ZC3H12B: variants seen among roughly 807,000 people sequenced by gnomAD.
ZC3H12B encodes the protein probable ribonuclease ZC3H12B.
Under a neutral mutation model 43.9 loss-of-function variants are expected in ZC3H12B, and 7 were observed. The observed-to-expected ratio is 0.16, with a 90% CI of 0.09 to 0.30. ZC3H12B has a LOEUF of 0.30. ZC3H12B is among the 10% of genes least tolerant of loss of function. The pLI, the probability that ZC3H12B is intolerant of heterozygous loss-of-function variation, is 1.00. For missense variants in ZC3H12B, 475 were observed against 670.2 expected, an observed-to-expected ratio of 0.71 and a Z score of 3.22; for synonymous variants, 222 against 241.7, an observed-to-expected ratio of 0.92 and a Z score of 0.76.
the ZC3H12B span, among the ~76,000 whole-genome samples, chrX:65,319,876 G>A: frequency 2.7e-5 from 3 of 111,123 alleles, no homozygotes; most frequent in Non-Finnish European, 5.7e-5. Context: ...ACATCTCTTC[G>A]TGTTAAATAA....
the ZC3H12B span, among the ~76,000 whole-genome samples, chrX:65,140,926 A>G: frequency 9.0e-6 from 1 of 111,240 alleles, no homozygotes; most frequent in Non-Finnish European, 1.9e-5. Context: ...CTTCTCTTCC[A>G]TTTCTGATTT....
the ZC3H12B span, among the ~76,000 whole-genome samples, chrX:65,070,478 T>G: frequency 9.0e-6 from 1 of 110,961 alleles, no homozygotes; most frequent in African/African-American, 3.3e-5. Flanking sequence ...TCTGCTAGCT[T>G]TGAGACTGGT....
At chrX:65,187,655 C>A in the ZC3H12B span, among the ~76,000 whole-genome samples, 4 of 96,144 alleles carry the variant, frequency 4.2e-5, no homozygotes, top group Admixed American at 3.4e-4. Flanking sequence ...ATTGATTTTA[C>A]TTTTTTTTTT....
At chrX:65,159,707 A>T in the ZC3H12B span, among the ~76,000 whole-genome samples, 1 of 111,956 alleles carries the variant, frequency 8.9e-6, no homozygotes, top group East Asian at 2.8e-4. Flanking sequence ...GTCATCTGCA[A>T]AAAGGGACAA....
intron 3 of ZC3H12B, among the ~76,000 whole-genome samples, chrX:65,426,392 C>CA (rs58910748): frequency 0.043 from 1,782 of 41,173 alleles, 6 homozygotes; most frequent in East Asian, 0.13. Flanking sequence ...TAATTATTTC[C>CA]AAAAAAAAAA....
At chrX:65,409,148 T>C (rs900243480) in intron 3 of ZC3H12B, among the ~76,000 whole-genome samples, 3 of 111,228 alleles carry the variant, frequency 2.7e-5, no homozygotes, top group African/African-American at 9.8e-5. Flanking sequence ...AAGTAATTTA[T>C]TCTGTCAAGA....
the ZC3H12B span, among the ~76,000 whole-genome samples, chrX:65,189,188 G>C: frequency 9.5e-6 from 1 of 105,157 alleles, no homozygotes; most frequent in African/African-American, 3.6e-5. Flanking sequence ...TCTTAATCCA[G>C]TCTATCATTG....
the ZC3H12B span, among the ~76,000 whole-genome samples, chrX:65,036,221 T>C: frequency 9.0e-6 from 1 of 111,703 alleles, no homozygotes; most frequent in Admixed American, 9.5e-5. Flanking sequence ...AAGTAAGTGG[T>C]TGAAAAAACT....
chrX:65,122,165 G>T, the ZC3H12B span, among the ~76,000 whole-genome samples: 3 of 111,169 alleles, frequency 2.7e-5, no homozygotes, highest in Admixed American at 9.6e-5. Flanking sequence ...TATTAGGTCT[G>T]CTTGGTGCAG....
At chrX:65,283,760 C>T in the ZC3H12B span, among the ~76,000 whole-genome samples, 1 of 111,432 alleles carries the variant, frequency 9.0e-6, no homozygotes, top group Non-Finnish European at 1.9e-5. Flanking sequence ...GGCAACTGTA[C>T]ACTGTCATGC....
chrX:65,138,189 T>G, the ZC3H12B span, among the ~76,000 whole-genome samples: 1 of 112,229 alleles, frequency 8.9e-6, no homozygotes, highest in Non-Finnish European at 1.9e-5. Flanking sequence ...CTTGAACATA[T>G]TTCTATCTAA....
intron 3 of ZC3H12B, among the ~76,000 whole-genome samples, chrX:65,425,706 C>A (rs1321475533): frequency 8.9e-6 from 1 of 111,795 alleles, no homozygotes; most frequent in Non-Finnish European, 1.9e-5. Context: ...TTTTCTGCAT[C>A]TATTGAGTTA....
At chrX:65,446,546 C>G (rs2067379370) in intron 3 of ZC3H12B, among the ~76,000 whole-genome samples, 1 of 111,837 alleles carries the variant, frequency 8.9e-6, no homozygotes, top group African/African-American at 3.3e-5. Context: ...ATAGATGATT[C>G]CTTTCAGACT....
At chrX:65,120,237 C>T in the ZC3H12B span, among the ~76,000 whole-genome samples, 1 of 111,822 alleles carries the variant, frequency 8.9e-6, no homozygotes, top group Non-Finnish European at 1.9e-5. Context: ...TTACCTTGGG[C>T]AGTATGGCCA....
At chrX:65,360,663 T>C in the ZC3H12B span, among the ~76,000 whole-genome samples, 1 of 112,547 alleles carries the variant, frequency 8.9e-6, no homozygotes, top group East Asian at 2.8e-4. Flanking sequence ...ATCATACAAC[T>C]ACCATATGGA....
At chrX:65,379,277 C>T (rs944118060) in intron 2 of ZC3H12B, among the ~76,000 whole-genome samples, 1 of 111,846 alleles carries the variant, frequency 8.9e-6, no homozygotes, top group African/African-American at 3.3e-5. Context: ...GGCAGACTGC[C>T]TCCTCAAGTG....
chrX:65,317,814 T>A, the ZC3H12B span, among the ~76,000 whole-genome samples: 1 of 100,938 alleles, frequency 9.9e-6, no homozygotes, highest in African/African-American at 3.6e-5. Flanking sequence ...ATACACACAC[T>A]ATATATATAT....
At chrX:65,219,642 AGTT>A in the ZC3H12B span, among the ~76,000 whole-genome samples, 1 of 111,658 alleles carries the variant, frequency 9.0e-6, no homozygotes, top group Non-Finnish European at 1.9e-5. Context: ...GCCTCCAAGA[AGTT>A]GGAGATTTTG....
the ZC3H12B span, among the ~76,000 whole-genome samples, chrX:65,097,795 T>A: frequency 1.1e-4 from 12 of 111,958 alleles, no homozygotes; most frequent in African/African-American, 3.9e-4. Context: ...TGGGACTTTT[T>A]GATCTGATTC....
Sources: allele counts gnomAD v4.1 joint callset (sites outside exome capture counted in the v4.1 genomes callset), GRCh38; gene constraint gnomAD v4.1.1; transcripts MANE v1.5; gene names NCBI Gene and HGNC (gene_info 2026-07-23, HGNC 2026-07-21).